Variants in MAST2 observed in about 807,000 individuals in gnomAD.
The protein encoded by MAST2 is microtubule-associated serine/threonine-protein kinase 2.
In MAST2, 70 loss-of-function variants were observed where a neutral mutation model predicts 147.4. That is an observed-to-expected ratio of 0.47 (90% CI 0.39 to 0.58). The LOEUF is 0.58. Among genes scored for constraint, MAST2 ranks in the 20% least tolerant of loss-of-function variants. The pLI, the probability that MAST2 is intolerant of heterozygous loss-of-function variation, is 0.00. For missense variants in MAST2, 2,080 were observed against 2,302.3 expected, an observed-to-expected ratio of 0.90 and a Z score of 1.98; for synonymous variants, 869 against 896.8, an observed-to-expected ratio of 0.97 and a Z score of 0.55.
At chr1:46,003,903 T>C (rs1291123995) in intron 7 of MAST2, among the ~76,000 whole-genome samples, 1 of 152,280 alleles carries the variant, frequency 6.6e-6, no homozygotes, top group East Asian at 1.9e-4. Context: ...TCCCCATTAC[T>C]TGCAGCATTC....
chr1:45,917,914 G>C (rs937654381), intron 4 of MAST2, among the ~76,000 whole-genome samples: 2 of 152,190 alleles, frequency 1.3e-5, no homozygotes, highest in African/African-American at 4.8e-5. Flanking sequence ...GTTTGTTCAG[G>C]TTGAGGAAAA....
rs538676946 is a variant in MAST2, at chr1:46,004,757, G to A, written c.748-1484G>A. 8.5e-4 allele frequency among the ~76,000 whole-genome samples: 130 copies of A among 152,354 alleles called. 1 individual carries two copies. Among genetic ancestry groups the A allele is most frequent in the Non-Finnish European group, 1.1e-3 (78 of 68,038 alleles). On this transcript the variant is annotated intron_variant, in intron 7 of 28. Coordinates refer to ENST00000361297, the MANE Select transcript of MAST2 (RefSeq NM_015112.3). ...CCTGTGACAACAGAGTTATCTCAGTGTGGTGCTTTAGCTTTGATTCTTAAA... is the reference window on the plus strand; with the variant it reads ...CCTGTGACAACAGAGTTATCTCAGTATGGTGCTTTAGCTTTGATTCTTAAA...
chr1:46,000,207 G>A (rs1021356595), intron 6 of MAST2, among the ~76,000 whole-genome samples: 2 of 152,152 alleles, frequency 1.3e-5, no homozygotes, highest in Non-Finnish European at 2.9e-5. Context: ...CTAGCTGCTC[G>A]GGAGGCTGAG....
intron 10 of MAST2, among the ~76,000 whole-genome samples, chr1:46,015,115 C>G (rs1237540882): frequency 6.6e-6 from 1 of 151,338 alleles, no homozygotes; most frequent in African/African-American, 2.4e-5. Flanking sequence ...TAAAGATGTT[C>G]TTTGAAACCA....
At chr1:45,958,036 CA>C (rs1354431469) in intron 4 of MAST2, among the ~76,000 whole-genome samples, 1 of 152,066 alleles carries the variant, frequency 6.6e-6, no homozygotes, top group Non-Finnish European at 1.5e-5. Flanking sequence ...TTCAAGGAGG[CA>C]AAGTATAAGC....
intron 17 of MAST2, 49 bp downstream of exon 17, chr1:46,027,912 C>G: frequency 6.2e-7 from 1 of 1,606,060 alleles, no homozygotes; most frequent in Non-Finnish European, 8.5e-7. Flanking sequence ...AGGCCCTTGT[C>G]CTGGCGCAGT....
intron 3 of MAST2, among the ~76,000 whole-genome samples, chr1:45,833,359 A>T (rs1645014118): frequency 6.7e-6 from 1 of 148,308 alleles, no homozygotes; most frequent in South Asian, 2.2e-4. Context: ...GATGGAGGAG[A>T]ACTTAGGTGG....
At chr1:45,948,810 A>G (rs1023260629) in intron 4 of MAST2, among the ~76,000 whole-genome samples, 10 of 151,952 alleles carry the variant, frequency 6.6e-5, no homozygotes, top group African/African-American at 2.4e-4. Flanking sequence ...TTCAAACTAT[A>G]CTACAGGGCT....
intron 4 of MAST2, among the ~76,000 whole-genome samples, chr1:45,956,994 AAAT>A (rs1395686129): frequency 1.3e-5 from 2 of 152,228 alleles, no homozygotes; most frequent in Non-Finnish European, 1.5e-5. Context: ...ATTGACTTGG[AAAT>A]AATGTTTTCA....
intron 8 of MAST2, among the ~76,000 whole-genome samples, chr1:46,006,779 C>G (rs1458064835): frequency 6.6e-6 from 1 of 152,142 alleles, no homozygotes; most frequent in South Asian, 2.1e-4. Flanking sequence ...AGTGGTCCCT[C>G]TCTTTTTCTG....
chr1:46,034,206 A>T lies in MAST2; in HGVS notation c.3808A>T (p.Ser1270Cys). 1 of 1,614,104 alleles carries T rather than the reference A, an allele frequency of 6.2e-7. No individual in the cohort carries two copies. The highest frequency in any genetic ancestry group is 1.1e-5 in the South Asian group (1 of 91,084). The change falls in exon 28 of 29, where the codon AGC becomes TGC. Residue 1270 changes from serine (S) to cysteine (C), a missense_variant. Ser to Cys is a moderately radical substitution (Grantham distance 112, BLOSUM62 -1). Transcript: ENST00000361297. The stretch of plus-strand genomic sequence containing the variant: ...GCCAGGCTCTCCCACACACAGCCAC[A>T]GCCTTTCCCCCCGATCTCCCACTCA... Reference protein sequence around the residue: ...SGPGSPTHSHSLSPRSPTQGY... With the variant: ...SGPGSPTHSHCLSPRSPTQGY...
chr1:45,887,775 G>A (rs1647159727), intron 4 of MAST2, among the ~76,000 whole-genome samples: 1 of 152,214 alleles, frequency 6.6e-6, no homozygotes, highest in South Asian at 2.1e-4. Context: ...GTGGGGCTTT[G>A]AAAATCAGGA....
chr1:45,903,254 T>G (rs1337240824), intron 4 of MAST2, among the ~76,000 whole-genome samples: 2 of 149,202 alleles, frequency 1.3e-5, no homozygotes, highest in East Asian at 4.1e-4. Flanking sequence ...CTCAGCCTCT[T>G]GAGTAGCTGG....
chr1:45,886,492 T>G (rs1239472949), intron 4 of MAST2, among the ~76,000 whole-genome samples: 2 of 151,988 alleles, frequency 1.3e-5, no homozygotes, highest in Non-Finnish European at 2.9e-5. Flanking sequence ...TCATACCATT[T>G]ATTTTAGATG....
chr1:45,917,869 C>T (rs557823828), intron 4 of MAST2, among the ~76,000 whole-genome samples: 2 of 152,256 alleles, frequency 1.3e-5, no homozygotes, highest in East Asian at 3.9e-4. Flanking sequence ...ACATTTTACA[C>T]GATGGGAAAA....
At position 46,011,177 on chromosome 1, in the gene MAST2, A is replaced by G. The variant is rs1194776223; in HGVS notation, c.1188+238A>G. The stretch of plus-strand genomic sequence containing the variant: ...CCTTTTCTAAATCCAAAATTATATT[A>G]CTTTGTTGTATTACGCGAAGCTCCA... On this transcript the variant is annotated intron_variant, in intron 10 of 28. Coordinates refer to ENST00000361297, the MANE Select transcript of MAST2 (RefSeq NM_015112.3). 2.0e-5 allele frequency: 11 copies of G among 540,914 alleles called. 1 individual carries two copies. The highest frequency in any genetic ancestry group is 3.3e-5 in the Non-Finnish European group (10 of 302,662). The allele number at this position is 540,914 out of a possible 1,614,324, so 33.5% of individuals were successfully genotyped here. A position where few individuals can be genotyped will look rare whatever the true frequency, so the allele number is the denominator to read the frequency against.
chr1:45,849,395 G>A (rs1425596808), intron 3 of MAST2, among the ~76,000 whole-genome samples: 1 of 152,006 alleles, frequency 6.6e-6, no homozygotes, highest in East Asian at 1.9e-4. Flanking sequence ...TAGATCAATG[G>A]AACTTTATTT....
chr1:46,010,291 G>A (rs1645660242), intron 9 of MAST2, among the ~76,000 whole-genome samples: 1 of 152,234 alleles, frequency 6.6e-6, no homozygotes, highest in Non-Finnish European at 1.5e-5. Context: ...CTGGGGAAAT[G>A]AAAGACTTCC....
chr1:45,866,321 G>A (rs181360373), intron 3 of MAST2, among the ~76,000 whole-genome samples: 19 of 152,244 alleles, frequency 1.2e-4, no homozygotes, highest in Admixed American at 7.2e-4. Flanking sequence ...CAGTTGATTC[G>A]ATGAGATTTG....
Sources: allele counts gnomAD v4.1 joint callset (sites outside exome capture counted in the v4.1 genomes callset), GRCh38; gene constraint gnomAD v4.1.1; transcripts MANE v1.5; gene names NCBI Gene and HGNC (gene_info 2026-07-23, HGNC 2026-07-21).